The following HSD17B12 variants were observed in gnomAD, a reference collection of about 807,000 sequenced individuals.
HSD17B12 encodes the protein hydroxysteroid 17-beta dehydrogenase 12.
Under a neutral mutation model 39.3 loss-of-function variants are expected in HSD17B12, and 32 were observed. The observed-to-expected ratio is 0.81, with a 90% CI of 0.61 to 1.09. The LOEUF (loss-of-function observed/expected upper bound fraction) is 1.09, where lower values mean the gene tolerates loss of function less well. HSD17B12 is among the 50% of genes least tolerant of loss of function. HSD17B12 has a pLI of 0.00. For synonymous variants in HSD17B12, 150 were observed against 146.7 expected (o/e 1.02, Z -0.16); for missense variants, 342 against 382.9 (o/e 0.89, Z 0.89).
chr11:43,619,009 C>G, the HSD17B12 span, among the ~76,000 whole-genome samples: 2 of 150,940 alleles, frequency 1.3e-5, no homozygotes, highest in African/African-American at 2.4e-5. Context: ...ACATAAGGAG[C>G]AAAGATGTGC....
In HSD17B12 at chr11:43,703,975, G is replaced by A. The variant is rs118157070; in HGVS notation, c.160+22988G>A. 1.1e-3 allele frequency among the ~76,000 whole-genome samples: 167 copies of A among 151,300 alleles called. 5 individuals are homozygous for A. The East Asian group carries it at 0.028, about 25-fold the overall frequency. On this transcript the variant is annotated intron_variant, in intron 1 of 10. Coordinates refer to ENST00000278353, the MANE Select transcript of HSD17B12 (RefSeq NM_016142.3). ...GGTTTGGTTTGCTCTTGCTTTTCTAGTTCTTTAAGATGCATTGTTAGATAG... is the reference window on the plus strand; with the variant it reads ...GGTTTGGTTTGCTCTTGCTTTTCTAATTCTTTAAGATGCATTGTTAGATAG...
chr11:43,653,344 T>C, the HSD17B12 span, among the ~76,000 whole-genome samples: 1 of 152,198 alleles, frequency 6.6e-6, no homozygotes, highest in Non-Finnish European at 1.5e-5. Context: ...ACCATAAAAC[T>C]TTAGAAGAAA....
intron 1 of HSD17B12, among the ~76,000 whole-genome samples, chr11:43,747,694 G>C (rs1279510676): frequency 6.6e-6 from 1 of 152,222 alleles, no homozygotes; most frequent in Non-Finnish European, 1.5e-5. Flanking sequence ...AAGATATGCT[G>C]TTTGAACACA....
the HSD17B12 span, among the ~76,000 whole-genome samples, chr11:43,582,173 A>G: frequency 6.6e-6 from 1 of 152,112 alleles, no homozygotes; most frequent in African/African-American, 2.4e-5. Flanking sequence ...ACTAAGTAGC[A>G]CGGAAGGGGG....
the HSD17B12 span, among the ~76,000 whole-genome samples, chr11:43,631,491 G>T: frequency 6.6e-6 from 1 of 152,004 alleles, no homozygotes; most frequent in Non-Finnish European, 1.5e-5. Flanking sequence ...AGAGACAGTA[G>T]GTTCCTACAT....
chr11:43,698,508 T>C (rs1254071351), intron 1 of HSD17B12, among the ~76,000 whole-genome samples: 1 of 152,176 alleles, frequency 6.6e-6, no homozygotes, highest in Non-Finnish European at 1.5e-5. Context: ...GGTCAATCCG[T>C]TTGCTATTTT....
intron 4 of HSD17B12, among the ~76,000 whole-genome samples, chr11:43,802,278 G>A (rs1040350975): frequency 2.0e-5 from 3 of 152,040 alleles, no homozygotes; most frequent in East Asian, 1.9e-4. Flanking sequence ...GAGCCACCAC[G>A]CCCAGCCCAG....
the HSD17B12 span, among the ~76,000 whole-genome samples, chr11:43,593,902 T>G: frequency 6.6e-6 from 1 of 152,138 alleles, no homozygotes; most frequent in Non-Finnish European, 1.5e-5. Flanking sequence ...TCTGTGCCAC[T>G]CTCTTCTTGC....
At chr11:43,847,225 G>A (rs1951484960) in intron 9 of HSD17B12, among the ~76,000 whole-genome samples, 1 of 152,124 alleles carries the variant, frequency 6.6e-6, no homozygotes, top group Admixed American at 6.5e-5. Flanking sequence ...TCTTAACAAG[G>A]AGATCATCTG....
the HSD17B12 span, among the ~76,000 whole-genome samples, chr11:43,663,588 G>A: frequency 6.6e-6 from 1 of 152,134 alleles, no homozygotes; most frequent in Admixed American, 6.5e-5. Flanking sequence ...GACAAATTTT[G>A]TTAGTGGTAG....
intron 4 of HSD17B12, among the ~76,000 whole-genome samples, chr11:43,802,171 A>G (rs1403029639): frequency 2.0e-5 from 3 of 151,850 alleles, no homozygotes; most frequent in Non-Finnish European, 4.4e-5. Context: ...ATTTTTTAGT[A>G]GAGATGGGGT....
chr11:43,579,891 C>G, the HSD17B12 span, among the ~76,000 whole-genome samples: 4 of 151,860 alleles, frequency 2.6e-5, no homozygotes, highest in African/African-American at 9.7e-5. Flanking sequence ...GCGCGCGCGC[C>G]CGCCCGCACG....
intron 1 of HSD17B12, among the ~76,000 whole-genome samples, chr11:43,685,135 G>A (rs1300674521): frequency 1.3e-5 from 2 of 152,124 alleles, no homozygotes; most frequent in Admixed American, 6.5e-5. Flanking sequence ...GTTTACATTA[G>A]CAAATCTCTA....
intron 1 of HSD17B12, among the ~76,000 whole-genome samples, chr11:43,707,025 A>G (rs1411920095): frequency 2.6e-5 from 4 of 152,138 alleles, no homozygotes; most frequent in Non-Finnish European, 4.4e-5. Flanking sequence ...GACATATACC[A>G]TAGATATATC....
the HSD17B12 span, among the ~76,000 whole-genome samples, chr11:43,605,256 G>T: frequency 2.0e-5 from 3 of 152,042 alleles, no homozygotes; most frequent in Non-Finnish European, 2.9e-5. Flanking sequence ...TTTTTTCTGA[G>T]TGGCGGAAAA....
At chr11:43,776,309 A>G (rs1950703130) in intron 3 of HSD17B12, among the ~76,000 whole-genome samples, 1 of 152,108 alleles carries the variant, frequency 6.6e-6, no homozygotes, top group African/African-American at 2.4e-5. Context: ...AACTGGTGTG[A>G]GATGGTATCT....
At chr11:43,669,289 T>C in the HSD17B12 span, among the ~76,000 whole-genome samples, 1 of 151,698 alleles carries the variant, frequency 6.6e-6, no homozygotes, top group African/African-American at 2.4e-5. Flanking sequence ...TCACTTGAGG[T>C]CAGGAGTTCG....
the HSD17B12 span, among the ~76,000 whole-genome samples, chr11:43,559,090 C>T: frequency 6.6e-6 from 1 of 152,134 alleles, no homozygotes; most frequent in African/African-American, 2.4e-5. Context: ...CACTGAAGGT[C>T]CTGCTCCAAG....
intron 3 of HSD17B12, among the ~76,000 whole-genome samples, chr11:43,759,482 C>T (rs1950538511): frequency 6.6e-6 from 1 of 152,048 alleles, no homozygotes; most frequent in Admixed American, 6.5e-5. Flanking sequence ...ATGTAATAAG[C>T]TTATTTTATT....
Sources: allele counts gnomAD v4.1 joint callset (sites outside exome capture counted in the v4.1 genomes callset), GRCh38; gene constraint gnomAD v4.1.1; transcripts MANE v1.5; gene names NCBI Gene and HGNC (gene_info 2026-07-23, HGNC 2026-07-21).